The following NXPE2 variants were observed in gnomAD, a reference collection of about 807,000 sequenced individuals.
NXPE2 encodes the protein neurexophilin and PC-esterase domain family member 2.
In NXPE2, 34 loss-of-function variants were observed where a neutral mutation model predicts 34.4. That is an observed-to-expected ratio of 0.99 (90% confidence interval 0.75 to 1.31). NXPE2 has a LOEUF of 1.31. Ranked by LOEUF, NXPE2 falls within the 40% of genes most tolerant of loss-of-function variation. NXPE2 has a pLI of 0.00. For synonymous variants in NXPE2, 235 were observed against 231.3 expected (o/e 1.02, Z -0.15); for missense variants, 649 against 672.5 (o/e 0.97, Z 0.39).
chr11:114,751,237 G>A, the NXPE2 span, among the ~76,000 whole-genome samples: 47 of 152,282 alleles, frequency 3.1e-4, 3 homozygotes, highest in Admixed American at 1.7e-3. Context: ...GGAGCAGAAC[G>A]TGCAGCTTCT....
At chr11:114,789,883 C>T in the NXPE2 span, among the ~76,000 whole-genome samples, 6 of 152,246 alleles carry the variant, frequency 3.9e-5, no homozygotes, top group Non-Finnish European at 7.3e-5. Flanking sequence ...GGGGTTGCAT[C>T]TTGTTCATCT....
the NXPE2 span, among the ~76,000 whole-genome samples, chr11:114,802,202 C>CAACA: frequency 2.6e-5 from 4 of 152,170 alleles, no homozygotes; most frequent in Non-Finnish European, 5.9e-5. Flanking sequence ...TCAGGGACAA[C>CAACA]AACACTCAGG....
At chr11:114,586,551 C>A in the NXPE2 span, among the ~76,000 whole-genome samples, 1 of 152,150 alleles carries the variant, frequency 6.6e-6, no homozygotes, top group Non-Finnish European at 1.5e-5. Context: ...TAGCTAATCC[C>A]CCCATGTCCT....
chr11:114,618,241 C>T, the NXPE2 span, among the ~76,000 whole-genome samples: 1 of 151,938 alleles, frequency 6.6e-6, no homozygotes, highest in Non-Finnish European at 1.5e-5. Context: ...TAAGGATTGT[C>T]TTATGGGTAA....
the NXPE2 span, among the ~76,000 whole-genome samples, chr11:114,586,733 G>A: frequency 2.8e-4 from 42 of 152,268 alleles, no homozygotes; most frequent in African/African-American, 9.1e-4. Flanking sequence ...AGCCTGATGG[G>A]TGATGGCAAC....
At chr11:114,670,352 A>C in the NXPE2 span, among the ~76,000 whole-genome samples, 4 of 151,970 alleles carry the variant, frequency 2.6e-5, no homozygotes, top group African/African-American at 9.7e-5. Flanking sequence ...ATCAGAGACT[A>C]TGCACTTCTG....
the NXPE2 span, among the ~76,000 whole-genome samples, chr11:114,485,319 C>A: frequency 2.0e-5 from 3 of 151,748 alleles, no homozygotes; most frequent in African/African-American, 7.3e-5. Context: ...AGCAATTCTC[C>A]TGCCTCAGCT....
At chr11:114,481,826 C>T in the NXPE2 span, among the ~76,000 whole-genome samples, 822 of 152,216 alleles carry the variant, frequency 5.4e-3, 16 homozygotes, top group African/African-American at 0.019. Flanking sequence ...ACTTTTCATT[C>T]ACCTTTCCAC....
At chr11:114,532,440 A>G in the NXPE2 span, among the ~76,000 whole-genome samples, 244 of 152,264 alleles carry the variant, frequency 1.6e-3, no homozygotes, top group African/African-American at 5.4e-3. Flanking sequence ...AGAATAGAAA[A>G]TAATCATGTA....
the NXPE2 span, among the ~76,000 whole-genome samples, chr11:114,573,325 A>G: frequency 6.6e-6 from 1 of 152,172 alleles, no homozygotes; most frequent in African/African-American, 2.4e-5. Flanking sequence ...TTAGGCAACA[A>G]GTAGCACAAT....
chr11:114,651,867 C>T, the NXPE2 span, among the ~76,000 whole-genome samples: 4 of 152,168 alleles, frequency 2.6e-5, no homozygotes, highest in Non-Finnish European at 5.9e-5. Flanking sequence ...CCACCCGACC[C>T]AGAAGCCCAG....
the NXPE2 span, among the ~76,000 whole-genome samples, chr11:114,644,862 G>A: frequency 6.6e-6 from 1 of 151,966 alleles, no homozygotes; most frequent in Non-Finnish European, 1.5e-5. Context: ...TGTAGCATTT[G>A]CATAGCTATA....
At position 114,698,456 on chromosome 11, in the gene NXPE2, T is replaced by G; in HGVS notation, c.544T>G (p.Phe182Val). ...NGTYLVSFTL[F>V]WEGQVSLSLL... is the part of the protein sequence containing the mutation. ...CACCTACCTGGTCAGCTTCACTCTG[T>G]TCTGGGAGGGCCAGGTTTCCCTGTC... Residue 182 changes from phenylalanine (F) to valine (V), a missense_variant, in exon 3 of 6, where the codon TTC becomes GTC. Phe to Val is a conservative substitution (Grantham distance 50). Transcript: ENST00000389586. 6.2e-7 allele frequency: 1 copy of G among 1,614,038 alleles called. No individual in the cohort carries two copies. Among genetic ancestry groups the G allele is most frequent in the Non-Finnish European group, 8.5e-7 (1 of 1,179,948 alleles).
chr11:114,599,032 C>A, the NXPE2 span, among the ~76,000 whole-genome samples: 1 of 152,264 alleles, frequency 6.6e-6, no homozygotes, highest in Non-Finnish European at 1.5e-5. Context: ...TTATACTTTG[C>A]TTCCTTTTTA....
chr11:114,489,333 G>A, the NXPE2 span, among the ~76,000 whole-genome samples: 23 of 152,278 alleles, frequency 1.5e-4, no homozygotes, highest in South Asian at 3.5e-3. Context: ...AGTAGAAAAC[G>A]GGAATCCTCC....
chr11:114,645,494 A>C, the NXPE2 span, among the ~76,000 whole-genome samples: 1 of 152,126 alleles, frequency 6.6e-6, no homozygotes, highest in Non-Finnish European at 1.5e-5. Context: ...AAAACCAAAA[A>C]CAAAAACATA....
At chr11:114,662,422 T>C in the NXPE2 span, among the ~76,000 whole-genome samples, 4 of 152,344 alleles carry the variant, frequency 2.6e-5, no homozygotes, top group South Asian at 8.3e-4. Context: ...TGCTGCAGGC[T>C]AAAGTGCTAT....
the NXPE2 span, among the ~76,000 whole-genome samples, chr11:114,612,684 G>C: frequency 6.6e-6 from 1 of 151,574 alleles, no homozygotes; most frequent in Non-Finnish European, 1.5e-5. Context: ...GTTGTCTCAT[G>C]GGTAACAACT....
the NXPE2 span, among the ~76,000 whole-genome samples, chr11:114,576,735 G>C: frequency 5.3e-5 from 8 of 151,978 alleles, no homozygotes; most frequent in African/African-American, 1.7e-4. Context: ...TTACACTGTT[G>C]GTGGGAATGT....
Sources: gnomAD v4.1 joint callset for allele counts (sites outside exome capture counted in the v4.1 genomes callset) on GRCh38, gnomAD v4.1.1 for gene constraint, MANE v1.5 for transcripts, NCBI Gene and HGNC (gene_info 2026-07-23, HGNC 2026-07-21) for gene names.